The following ZFR variants were observed in gnomAD, a reference collection of about 807,000 sequenced individuals.
The protein encoded by ZFR is zinc finger RNA-binding protein.
A neutral mutation model predicts 130.7 loss-of-function variants in ZFR; 19 were observed. The observed-to-expected ratio is 0.15, with a 90% CI of 0.10 to 0.21. ZFR has a LOEUF of 0.21. Among genes scored for constraint, ZFR ranks in the 10% least tolerant of loss-of-function variants. The probability of loss-of-function intolerance (pLI) is 1.00; values close to 1 mark genes in which losing one functional copy is unlikely to be tolerated. For missense variants in ZFR, 872 were observed against 1,321.5 expected (o/e 0.66, Z 5.27); for synonymous variants, 466 against 456.9 (o/e 1.02, Z -0.25).
intron 2 of ZFR, among the ~76,000 whole-genome samples, chr5:32,431,398 T>C (rs1184098360): frequency 6.6e-6 from 1 of 152,228 alleles, no homozygotes; most frequent in East Asian, 1.9e-4. Flanking sequence ...CTAAGTGAAA[T>C]ATTCATGTTA....
chr5:32,414,855 A>ATT (rs1753784427), intron 5 of ZFR, 114 bp downstream of exon 5: 6 of 933,630 alleles, frequency 6.4e-6, no homozygotes, highest in Non-Finnish European at 9.4e-6. Flanking sequence ...ATGTCTATCA[A>ATT]TTAATTTAAT....
At chr5:32,383,661 C>A in intron 15 of ZFR, 1 of 380,578 alleles carries the variant, frequency 2.6e-6, no homozygotes, top group Admixed American at 3.1e-5. Context: ...TCCGGCAAAG[C>A]CTTCCTTAAC....
At chr5:32,414,904 A>G in intron 5 of ZFR, 65 bp downstream of exon 5, 1 of 1,405,280 alleles carries the variant, frequency 7.1e-7, no homozygotes, top group East Asian at 2.3e-5. Flanking sequence ...AAGACAATCA[A>G]GATAGTTTCT....
At chr5:32,421,526 T>G (rs1276104309) in intron 2 of ZFR, among the ~76,000 whole-genome samples, 1 of 152,118 alleles carries the variant, frequency 6.6e-6, no homozygotes, top group Non-Finnish European at 1.5e-5. Flanking sequence ...GGAATCAATG[T>G]GAAGGTCAGA....
At chr5:32,402,463 C>T (rs948886246) in intron 8 of ZFR, among the ~76,000 whole-genome samples, 1 of 151,958 alleles carries the variant, frequency 6.6e-6, no homozygotes, top group Non-Finnish European at 1.5e-5. Flanking sequence ...GTAGGAAGTA[C>T]AGACGTAGAG....
At chr5:32,414,203 C>T (rs754973528) in intron 5 of ZFR, among the ~76,000 whole-genome samples, 1 of 152,116 alleles carries the variant, frequency 6.6e-6, no homozygotes, top group Admixed American at 6.5e-5. Context: ...TCAAACACTC[C>T]GTGCATTCCT....
intron 2 of ZFR, among the ~76,000 whole-genome samples, chr5:32,438,663 T>A (rs1451537916): frequency 1.3e-5 from 2 of 152,204 alleles, no homozygotes; most frequent in Non-Finnish European, 2.9e-5. Context: ...ATAGAAACTT[T>A]CCTTCTTTCT....
chr5:32,382,923 A>G (rs940561245), intron 15 of ZFR, among the ~76,000 whole-genome samples: 1 of 152,194 alleles, frequency 6.6e-6, no homozygotes, highest in South Asian at 2.1e-4. Flanking sequence ...ACACCCAGTT[A>G]ACAAAGCAAA....
intron 2 of ZFR, among the ~76,000 whole-genome samples, chr5:32,431,563 C>T (rs1248483615): frequency 6.6e-6 from 1 of 152,120 alleles, no homozygotes; most frequent in Non-Finnish European, 1.5e-5. Context: ...TGTGTGTGTG[C>T]ATGTTTCAAT....
intron 17 of ZFR, among the ~76,000 whole-genome samples, chr5:32,370,391 C>G (rs907078533): frequency 6.6e-6 from 1 of 151,046 alleles, no homozygotes; most frequent in Non-Finnish European, 1.5e-5. Flanking sequence ...GACAGACAGA[C>G]AGACATGGTC....
chr5:32,444,256 G>T lies in ZFR; in HGVS notation c.110C>A (p.Ala37Glu). 1 of 1,570,072 alleles carries T rather than the reference G, an allele frequency of 6.4e-7. No individual in the cohort carries two copies. Residue 37 changes from alanine (A) to glutamate (E), a missense_variant, in exon 2 of 20, where the codon GCG becomes GAG. Ala to Glu is a moderately radical substitution (Grantham distance 107, BLOSUM62 -1). This residue lies in a region of ZFR where 240 missense variants were observed against 441.2 expected (regional missense o/e 0.54). Transcript: ENST00000265069. ...ATATTGGGCCGCAGCCGCCGCCGCC[G>T]CCGCCCCGCTGTGGGTGAATCCAAA... ...NYFGFTHSGAAAAAAAAQYSQ... is the reference protein window; with the variant it reads ...NYFGFTHSGAEAAAAAAQYSQ...
intron 2 of ZFR, among the ~76,000 whole-genome samples, chr5:32,420,892 C>T (rs1244605067): frequency 6.6e-6 from 1 of 152,160 alleles, no homozygotes. Context: ...CATTTTCCAG[C>T]TTACAGGGAG....
intron 4 of ZFR, among the ~76,000 whole-genome samples, chr5:32,415,509 TGTGTGTGCGCGCGC>T (rs1447286159): frequency 3.2e-5 from 3 of 93,878 alleles, no homozygotes; most frequent in African/African-American, 1.0e-4. Flanking sequence ...TGTGTGTGTG[TGTGTGTGCGCGCGC>T]GCGCGCGCGC....
In ZFR at chr5:32,397,170, T is replaced by C. The variant is rs928964733; in HGVS notation, c.1833+49A>G. The C allele has an allele frequency of 2.6e-6, 4 of 1,556,202 alleles. No homozygotes were observed. In the African/African-American group the frequency reaches 4.2e-5, roughly 16 times the overall value. On this transcript the variant is annotated intron_variant, in intron 10 of 19. Transcript: ENST00000265069. ...ACATAAAGAATGCTCTGGGTGTTTT[T>C]GTTTTTGTTTTTTGTTTTAAAGAAG... is the stretch of plus-strand genomic sequence containing the variant.
intron 5 of ZFR, among the ~76,000 whole-genome samples, chr5:32,413,066 G>A (rs1753745366): frequency 6.6e-6 from 1 of 152,210 alleles, no homozygotes; most frequent in South Asian, 2.1e-4. Flanking sequence ...GCGCACGCTT[G>A]TAGTCCCGGC....
At chr5:32,427,054 T>G (rs1754090353) in intron 2 of ZFR, among the ~76,000 whole-genome samples, 1 of 151,938 alleles carries the variant, frequency 6.6e-6, no homozygotes. Context: ...CAAAAATCAG[T>G]TGCATTCCTA....
intron 5 of ZFR, among the ~76,000 whole-genome samples, chr5:32,411,889 C>A (rs886612604): frequency 1.3e-5 from 2 of 152,024 alleles, no homozygotes; most frequent in African/African-American, 4.8e-5. Flanking sequence ...ACTTGAGCAT[C>A]CACAAATTTT....
chr5:32,397,480 G>GCAAGAC, intron 9 of ZFR, 142 bp from the exon 10 acceptor site: 5 of 1,046,156 alleles, frequency 4.8e-6, no homozygotes, highest in Admixed American at 2.9e-5. Context: ...CCAGGACAGA[G>GCAAGAC]TCTTGCTCTG....
intron 1 of ZFR, 71 bp from the exon 2 acceptor site, chr5:32,444,399 G>A: frequency 6.7e-7 from 1 of 1,487,196 alleles, no homozygotes; most frequent in Non-Finnish European, 9.0e-7. Context: ...CGCCGAGGGA[G>A]GGCAGGGAGA....
Sources: allele counts gnomAD v4.1 joint callset (sites outside exome capture counted in the v4.1 genomes callset), GRCh38; gene constraint gnomAD v4.1.1; regional missense constraint gnomAD v4.1.1; transcripts MANE v1.5; gene names NCBI Gene and HGNC (gene_info 2026-07-23, HGNC 2026-07-21).